Variants in RORB observed in about 807,000 individuals in gnomAD.
RORB encodes the protein nuclear receptor ROR-beta.
A neutral mutation model predicts 59.1 loss-of-function variants in RORB; 6 were observed. The ratio of observed to expected loss-of-function variants is 0.10; its 90% CI spans 0.06 to 0.20. The LOEUF (loss-of-function observed/expected upper bound fraction) is 0.20. Ranked by LOEUF, RORB falls within the 10% of genes least tolerant of loss-of-function variation. The pLI, the probability that RORB is intolerant of heterozygous loss-of-function variation, is 1.00. For missense variants in RORB, 320 were observed against 560.5 expected, an observed-to-expected ratio of 0.57 and a Z score of 4.33; for synonymous variants, 215 against 204.5, an observed-to-expected ratio of 1.05 and a Z score of -0.44.
intron 1 of RORB, among the ~76,000 whole-genome samples, chr9:74,500,599 G>C (rs535940840): frequency 6.6e-5 from 10 of 152,280 alleles, no homozygotes; most frequent in Non-Finnish European, 1.0e-4. Context: ...GGGCTCCACA[G>C]TTTGCAGCTG....
chr9:74,554,921 T>C (rs1159096302), intron 1 of RORB, among the ~76,000 whole-genome samples: 2 of 152,144 alleles, frequency 1.3e-5, no homozygotes, highest in Middle Eastern at 3.4e-3. Flanking sequence ...ACCCCAGTGG[T>C]TGGGTGGTGT....
chr9:74,572,132 T>C (rs1822562740), intron 1 of RORB, among the ~76,000 whole-genome samples: 1 of 152,192 alleles, frequency 6.6e-6, no homozygotes, highest in African/African-American at 2.4e-5. Flanking sequence ...TATTGTACCA[T>C]GCGATACTGA....
chr9:74,667,802 C>T lies in RORB; in HGVS notation c.1012C>T (p.Leu338=), dbSNP rs1824291095. Residue 338 remains leucine (L), a synonymous_variant, in exon 8 of 10, where the codon CTA becomes TTA. Coordinates refer to ENST00000376896, the MANE Select transcript of RORB (RefSeq NM_006914.4). Reference sequence around the variant, plus strand: ...TTCTTCCTTTATAGGTTCTGATGACCTAGTGAATGAAGCATTTGACTTTGC... The same window carrying T: ...TTCTTCCTTTATAGGTTCTGATGACTTAGTGAATGAAGCATTTGACTTTGC... The part of the protein sequence containing the change: ...QMFKALGSDD[L]VNEAFDFAKN... 6.2e-7 allele frequency: 1 copy of T among 1,607,424 alleles called. No homozygotes were observed. The highest frequency in any genetic ancestry group is 1.7e-5 in the Admixed American group (1 of 59,982).
chr9:74,565,886 C>T (rs776741089), intron 1 of RORB, among the ~76,000 whole-genome samples: 8 of 152,056 alleles, frequency 5.3e-5, no homozygotes, highest in African/African-American at 9.7e-5. Context: ...TTGCCTAATT[C>T]GAATTAAAAC....
chr9:74,676,137 T>A (rs1425718741), intron 9 of RORB, among the ~76,000 whole-genome samples: 4 of 152,166 alleles, frequency 2.6e-5, no homozygotes, highest in African/African-American at 4.8e-5. Flanking sequence ...GATGCATGGG[T>A]CTAGCCCATT....
rs1038799085 is a variant in RORB at position 74,642,742 on chromosome 9, C to G, written c.564C>G (p.Ser188=). 2 of 1,613,932 alleles carry G rather than the reference C, an allele frequency of 1.2e-6. No homozygotes were observed. The highest frequency in any genetic ancestry group is 1.7e-6 in the Non-Finnish European group (2 of 1,179,976). Residue 188 remains serine (S), a synonymous_variant, in exon 4 of 10, where the codon TCC becomes TCG. Coordinates refer to ENST00000376896, the MANE Select transcript of RORB (RefSeq NM_006914.4). Reference sequence around the variant, plus strand: ...AAGAACCTATCTATGACCTCACATCCGTACCCAACTTGTTTACCTATAGCT... The same window carrying G: ...AAGAACCTATCTATGACCTCACATCGGTACCCAACTTGTTTACCTATAGCT... ...IKQEPIYDLT[S]VPNLFTYSSF...
intron 1 of RORB, among the ~76,000 whole-genome samples, chr9:74,509,797 T>C (rs1369819932): frequency 6.6e-6 from 1 of 152,070 alleles, no homozygotes; most frequent in Non-Finnish European, 1.5e-5. Context: ...GATGTTTTCT[T>C]AAGGAAGGAA....
At chr9:74,647,714 G>A (rs1303860062) in intron 4 of RORB, among the ~76,000 whole-genome samples, 1 of 152,120 alleles carries the variant, frequency 6.6e-6, no homozygotes, top group Non-Finnish European at 1.5e-5. Context: ...AATAGTTAAA[G>A]GAGATTACAA....
At chr9:74,547,402 G>A (rs1268203991) in intron 1 of RORB, among the ~76,000 whole-genome samples, 1 of 152,172 alleles carries the variant, frequency 6.6e-6, no homozygotes, top group Non-Finnish European at 1.5e-5. Context: ...TGTCAGTTAA[G>A]CAAGGACCGA....
At chr9:74,511,367 A>G (rs1825936890) in intron 1 of RORB, among the ~76,000 whole-genome samples, 1 of 152,208 alleles carries the variant, frequency 6.6e-6, no homozygotes, top group Non-Finnish European at 1.5e-5. Context: ...TAAAAGAGCA[A>G]TTGAAGAAAA....
chr9:74,541,400 A>G (rs1436804026), intron 1 of RORB, among the ~76,000 whole-genome samples: 1 of 152,028 alleles, frequency 6.6e-6, no homozygotes, highest in Non-Finnish European at 1.5e-5. Context: ...ATATTAAACA[A>G]TTATATTTTA....
At chr9:74,548,535 G>A (rs943956031) in intron 1 of RORB, among the ~76,000 whole-genome samples, 5 of 152,028 alleles carry the variant, frequency 3.3e-5, no homozygotes, top group African/African-American at 1.2e-4. Flanking sequence ...TTCTTATTTT[G>A]CAATTTACTT....
intron 1 of RORB, among the ~76,000 whole-genome samples, chr9:74,603,368 G>A (rs934465094): frequency 2.0e-5 from 3 of 152,150 alleles, no homozygotes; most frequent in African/African-American, 7.2e-5. Flanking sequence ...CACAAGGAAG[G>A]AATCATGGCA....
chr9:74,608,432 C>T (rs764025239), intron 1 of RORB, among the ~76,000 whole-genome samples: 46 of 151,866 alleles, frequency 3.0e-4, no homozygotes, highest in Non-Finnish European at 5.7e-4. Flanking sequence ...GGCGTGGTGG[C>T]GGGCACCTGT....
At position 74,504,045 on chromosome 9, in the gene RORB, A is replaced by G. The variant is rs113427251; in HGVS notation, c.7+6062A>G. ...GATCATAATGTGACAAAATTATTGT[A>G]TATTTCAAACCACTTAGAATTTTGG... On this transcript the variant is annotated intron_variant, in intron 1 of 9. Coordinates refer to ENST00000376896, the MANE Select transcript of RORB (RefSeq NM_006914.4). Among the ~76,000 whole-genome samples the G allele has an allele frequency of 9.9e-3, 1,513 of 152,188 alleles. 38 individuals are homozygous for G. The highest frequency in any genetic ancestry group is 0.035 in the African/African-American group (1,453 of 41,566).
At chr9:74,537,241 T>C (rs1158226511) in intron 1 of RORB, among the ~76,000 whole-genome samples, 1 of 152,114 alleles carries the variant, frequency 6.6e-6, no homozygotes, top group East Asian at 1.9e-4. Flanking sequence ...TGTTTTTGCT[T>C]GGGAACTTGA....
intron 9 of RORB, among the ~76,000 whole-genome samples, chr9:74,673,044 A>G (rs542398936): frequency 6.6e-6 from 1 of 152,330 alleles, no homozygotes; most frequent in East Asian, 1.9e-4. Context: ...AAATTAACGC[A>G]TCACTAGCAA....
At chr9:74,629,000 C>T (rs1257325387) in intron 1 of RORB, among the ~76,000 whole-genome samples, 1 of 152,118 alleles carries the variant, frequency 6.6e-6, no homozygotes, top group East Asian at 1.9e-4. Flanking sequence ...AAGTAACTGC[C>T]TTACCAACAA....
chr9:74,591,872 T>C (rs1822901228), intron 1 of RORB, among the ~76,000 whole-genome samples: 1 of 152,078 alleles, frequency 6.6e-6, no homozygotes. Flanking sequence ...AAGTTTAGAA[T>C]GCTACTGAAA....
Sources: allele counts gnomAD v4.1 joint callset (sites outside exome capture counted in the v4.1 genomes callset), GRCh38; gene constraint gnomAD v4.1.1; transcripts MANE v1.5; gene names NCBI Gene and HGNC (gene_info 2026-07-23, HGNC 2026-07-21).